The following NSL1 variants were observed in gnomAD, a reference collection of about 807,000 sequenced individuals.
NSL1 encodes the protein NSL1 component of MIS12 kinetochore complex, also known as kinetochore-associated protein NSL1 homolog.
In NSL1, 11 loss-of-function variants were observed where a neutral mutation model predicts 25.4. The ratio of observed to expected loss-of-function variants is 0.43; its 90% CI spans 0.27 to 0.72. NSL1 has a LOEUF of 0.72. Ranked by LOEUF, NSL1 falls within the 30% of genes least tolerant of loss-of-function variation. NSL1 has a pLI of 0.19. For synonymous variants in NSL1, 118 were observed against 120.6 expected, an observed-to-expected ratio of 0.98 and a Z score of 0.14; for missense variants, 330 against 342.7, an observed-to-expected ratio of 0.96 and a Z score of 0.29.
chr1:212,747,767 TTC>T (rs893152630), intron 4 of NSL1, among the ~76,000 whole-genome samples: 1 of 152,144 alleles, frequency 6.6e-6, no homozygotes, highest in African/African-American at 2.4e-5. Context: ...GAGATTTATT[TTC>T]TTTTTTCTTT....
rs1400974199 is a variant in NSL1 at position 212,760,773 on chromosome 1, C to T, written c.500-21172G>A. Among the ~76,000 whole-genome samples, 2 of 152,218 alleles carry T rather than the reference C, an allele frequency of 1.3e-5. No individual in the cohort carries two copies. Among genetic ancestry groups the T allele is most frequent in the Non-Finnish European group, 2.9e-5 (2 of 68,042 alleles). On this transcript the variant is annotated intron_variant, in intron 4 of 5. Transcript: ENST00000366977. The surrounding 1 kb of genome is among the most constrained non-coding windows in gnomAD (Gnocchi z 4.3). ...CACTGCTGGTACCTGAGCAAGCCAC[C>T]TGGAGGCCCAAGAATTGGTCTGCCT...
intron 4 of NSL1, among the ~76,000 whole-genome samples, chr1:212,741,319 C>T (rs1160077173): frequency 6.6e-6 from 1 of 152,164 alleles, no homozygotes; most frequent in Non-Finnish European, 1.5e-5. Flanking sequence ...ATCTGTTCAA[C>T]GAACATTTAT....
intron 2 of NSL1, among the ~76,000 whole-genome samples, chr1:212,786,607 A>C (rs1423906077): frequency 1.3e-5 from 2 of 152,192 alleles, no homozygotes; most frequent in Non-Finnish European, 2.9e-5. Context: ...TGAGAGTTCG[A>C]GACCAGCCTG....
At position 212,730,262 on chromosome 1, in the gene NSL1, A is replaced by C. The variant is rs982882728; in HGVS notation, c.*8146T>G. 2.0e-6 allele frequency: 2 copies of C among 983,300 alleles called. No individual in the cohort carries two copies. The highest frequency in any genetic ancestry group is 2.4e-6 in the Non-Finnish European group (2 of 829,268). The allele number at this position is 983,300 out of a possible 1,614,324, so 60.9% of individuals were successfully genotyped here. A position where few individuals can be genotyped will look rare whatever the true frequency, so the allele number is the denominator to read the frequency against. ...CAAAAAAAAAAAAAAAAAAAAAAAA[A>C]AAAGAAATGCGCCAAGTCTCAGGTA... is the stretch of plus-strand genomic sequence containing the variant. On this transcript the variant is annotated 3_prime_UTR_variant, in exon 6 of 6. Coordinates refer to ENST00000366977, the MANE Select transcript of NSL1 (RefSeq NM_015471.4).
intron 4 of NSL1, among the ~76,000 whole-genome samples, chr1:212,746,657 AC>A (rs1658812441): frequency 6.6e-6 from 1 of 152,228 alleles, no homozygotes; most frequent in Non-Finnish European, 1.5e-5. Context: ...CCAAAGACAA[AC>A]ATAGGTTGAA....
chr1:212,727,157 A>G lies in NSL1; in HGVS notation c.*11251T>C. On this transcript the variant is annotated 3_prime_UTR_variant, in exon 6 of 6. Coordinates refer to ENST00000366977, the MANE Select transcript of NSL1 (RefSeq NM_015471.4). ...CCCTTCTCTCCTAAACTGCCCCTAG[A>G]GCTAGTCCACCAGGCTTGGCTCCTA... The G allele has an allele frequency of 6.3e-7, 1 of 1,575,272 alleles. No homozygotes were observed. Among genetic ancestry groups the G allele is most frequent in the Non-Finnish European group, 8.6e-7 (1 of 1,161,008 alleles).
intron 4 of NSL1, among the ~76,000 whole-genome samples, chr1:212,766,506 A>G (rs10863992): frequency 0.65 from 99,016 of 151,356 alleles, 32,758 homozygotes; most frequent in Non-Finnish European, 0.69. Flanking sequence ...TTAGCCAGGC[A>G]TGGTGGCAGG....
In NSL1 at chr1:212,730,516, A is replaced by G. The variant is rs1330204111; in HGVS notation, c.*7892T>C. 2 of 985,290 alleles carry G rather than the reference A, an allele frequency of 2.0e-6. No homozygotes were observed. Among genetic ancestry groups the G allele is most frequent in the Non-Finnish European group, 2.4e-6 (2 of 829,938 alleles). 61.0% of individuals were successfully genotyped at this position (985,290 alleles called of 1,614,324 possible). The stretch of plus-strand genomic sequence containing the variant: ...GTCAAGGTGATGATAGAAATGCCCA[A>G]TCTTTTACACAGGCACAGGAGTCAG... On this transcript the variant is annotated 3_prime_UTR_variant, in exon 6 of 6. Transcript: ENST00000366977.
Position 212,729,802 on chromosome 1 carries a change from T to TGGA in NSL1, c.*8603_*8605dup, listed in dbSNP as rs1359664175. The stretch of plus-strand genomic sequence containing the variant: ...ACGGCTCAAAAGAACAGCTAGAACA[T>TGGA]GGAAAAAGCAATGTAATCAGCTGGT... On this transcript the variant is annotated 3_prime_UTR_variant, in exon 6 of 6. Transcript: ENST00000366977. The TGGA allele has an allele frequency of 1.0e-6, 1 of 985,032 alleles. No individual in the cohort carries two copies. Among genetic ancestry groups the TGGA allele is most frequent in the Non-Finnish European group, 1.2e-6 (1 of 829,884 alleles). The allele number at this position is 985,032 out of a possible 1,614,324, so 61.0% of individuals were successfully genotyped here.
At chr1:212,744,225 T>C (rs1454620550) in intron 4 of NSL1, among the ~76,000 whole-genome samples, 2 of 152,230 alleles carry the variant, frequency 1.3e-5, no homozygotes, top group Non-Finnish European at 2.9e-5. Context: ...TGTTTTGTTT[T>C]GCTCCAGGCA....
At position 212,737,707 on chromosome 1, in the gene NSL1, TC is replaced by T. The variant is rs1473883141; in HGVS notation, c.*700del. Reference sequence around the variant, plus strand: ...CTAAAAAGAAACCATTAGTTCCAAGTCAAATTATGTTAATGGTCTATAGAAA... The same window carrying T: ...CTAAAAAGAAACCATTAGTTCCAAGTAAATTATGTTAATGGTCTATAGAAA... On this transcript the variant is annotated 3_prime_UTR_variant, in exon 6 of 6. Transcript: ENST00000366977. The T allele has an allele frequency of 1.2e-5, 12 of 976,706 alleles. No individual in the cohort carries two copies. The highest frequency in any genetic ancestry group is 1.5e-5 in the Non-Finnish European group (12 of 822,074). The allele number at this position is 976,706 out of a possible 1,614,324, so 60.5% of individuals were successfully genotyped here.
chr1:212,741,378 C>A (rs1003324806), intron 4 of NSL1, among the ~76,000 whole-genome samples: 6 of 152,072 alleles, frequency 3.9e-5, no homozygotes, highest in Admixed American at 1.3e-4. Context: ...GATCTGTGTC[C>A]CCACCCAATC....
chr1:212,746,962 T>A (rs931642826), intron 4 of NSL1, among the ~76,000 whole-genome samples: 3 of 152,078 alleles, frequency 2.0e-5, no homozygotes, highest in African/African-American at 7.2e-5. Flanking sequence ...CTGGCCAACA[T>A]GGCAAAACTC....
At chr1:212,782,175 C>A in intron 4 of NSL1, 197 bp downstream of exon 4, 1 of 705,394 alleles carries the variant, frequency 1.4e-6, no homozygotes, top group Non-Finnish European at 2.6e-6. Context: ...CGGGGTAACA[C>A]CCCTGGAATT....
At position 212,735,621 on chromosome 1, in the gene NSL1, G is replaced by T; in HGVS notation, c.*2787C>A. 2 of 779,388 alleles carry T rather than the reference G, an allele frequency of 2.6e-6. No individual in the cohort carries two copies. The highest frequency in any genetic ancestry group is 3.1e-6 in the Non-Finnish European group (2 of 642,068). The allele number at this position is 779,388 out of a possible 1,614,324, so 48.3% of individuals were successfully genotyped here. On this transcript the variant is annotated 3_prime_UTR_variant, in exon 6 of 6. Transcript: ENST00000366977. Reference sequence around the variant, plus strand: ...AAGCCTTAACTCCCATGTGCCTATAGCTGTATTTGGAGATGGGGCCTCTAA... The same window carrying T: ...AAGCCTTAACTCCCATGTGCCTATATCTGTATTTGGAGATGGGGCCTCTAA...
chr1:212,788,625 A>G (rs1661050050), intron 1 of NSL1, among the ~76,000 whole-genome samples: 1 of 152,216 alleles, frequency 6.6e-6, no homozygotes, highest in African/African-American at 2.4e-5. Context: ...CACATTTCCT[A>G]TTACCCAACA....
At chr1:212,751,817 G>A (rs1659078907) in intron 4 of NSL1, among the ~76,000 whole-genome samples, 1 of 152,016 alleles carries the variant, frequency 6.6e-6, no homozygotes, top group South Asian at 2.1e-4. Context: ...AACAATATCT[G>A]CTTAGGAAAT....
rs1657889803 is a variant in NSL1 at position 212,728,792 on chromosome 1, C to A, written c.*9616G>T. 1 of 985,250 alleles carries A rather than the reference C, an allele frequency of 1.0e-6. No individual in the cohort carries two copies. The highest frequency in any genetic ancestry group is 1.2e-6 in the Non-Finnish European group (1 of 829,924). 61.0% of individuals were successfully genotyped at this position (985,250 alleles called of 1,614,324 possible). On this transcript the variant is annotated 3_prime_UTR_variant, in exon 6 of 6. Transcript: ENST00000366977. Reference sequence around the variant, plus strand: ...TCGCAGCTTCTCCCTTCTGTTTTTCCTCTCACTCTGACTCGAGGAGGGCCC... The same window carrying A: ...TCGCAGCTTCTCCCTTCTGTTTTTCATCTCACTCTGACTCGAGGAGGGCCC...
chr1:212,764,843 C>CAAAAAAAAAAAAAAAAAAAAAAAAAAAA (rs3086471), intron 4 of NSL1, among the ~76,000 whole-genome samples: 2 of 38,864 alleles, frequency 5.1e-5, no homozygotes, highest in Non-Finnish European at 4.0e-5. Flanking sequence ...AAGACTGTCT[C>CAAAAAAAAAAAAAAAAAAAAAAAAAAAA]AAAAAAAAAA....
Sources: allele counts gnomAD v4.1 joint callset (sites outside exome capture counted in the v4.1 genomes callset), GRCh38; gene constraint gnomAD v4.1.1; non-coding constraint Gnocchi (gnomAD v3.1); transcripts MANE v1.5; gene names NCBI Gene and HGNC (gene_info 2026-07-23, HGNC 2026-07-21).